CAPRIN2: variants seen among roughly 807,000 people sequenced by gnomAD.
CAPRIN2 encodes caprin-2.
Under a neutral mutation model 130.4 loss-of-function variants are expected in CAPRIN2, and 66 were observed. That is an observed-to-expected ratio of 0.51 (90% CI 0.42 to 0.62). CAPRIN2 has a LOEUF of 0.62. Ranked by LOEUF, CAPRIN2 falls within the 20% of genes least tolerant of loss-of-function variation. The pLI is 0.00. For missense variants in CAPRIN2, 1,185 were observed against 1,246.6 expected (o/e 0.95, Z 0.74); for synonymous variants, 471 against 444.1 (o/e 1.06, Z -0.76).
exon 2 of CAPRIN2, chr12:30,751,128 T>C (rs1298574921): frequency 6.2e-7 from 1 of 1,613,562 alleles, no homozygotes; most frequent in South Asian, 1.1e-5. Flanking sequence ...AATCCTCCAG[T>C]TTGAGCTACA....
In CAPRIN2 at chr12:30,710,890, T is replaced by C. The variant is rs2054176777; in HGVS notation, c.2666-420A>G. On this transcript the variant is annotated intron_variant, in intron 16 of 16. Transcript: ENST00000298892. This position sits in a 1 kb window ranked among gnomAD's most constrained non-coding sequence, Gnocchi z 4.8. ...TAAAAGAACCAATTTTTAGAACTAC[T>C]AGCCACTAGCCATTCAGAGATATAT... Among the ~76,000 whole-genome samples the C allele has an allele frequency of 6.6e-6, 1 of 152,220 alleles. No homozygotes were observed. Among genetic ancestry groups the C allele is most frequent in the African/African-American group, 2.4e-5 (1 of 41,460 alleles).
At chr12:30,750,576 G>C (rs565624168) in intron 2 of CAPRIN2, among the ~76,000 whole-genome samples, 1 of 151,310 alleles carries the variant, frequency 6.6e-6, no homozygotes, top group South Asian at 2.1e-4. Context: ...CAGATAATAT[G>C]CCTCCTGAGA....
exon 1 of CAPRIN2, chr12:30,753,371 G>C: frequency 6.2e-7 from 1 of 1,607,350 alleles, no homozygotes; most frequent in Non-Finnish European, 8.5e-7. Flanking sequence ...TTCTAATTTT[G>C]TGTTTAAGGC....
chr12:30,723,619 G>GT (rs1325989413), intron 10 of CAPRIN2, among the ~76,000 whole-genome samples: 2 of 151,704 alleles, frequency 1.3e-5, no homozygotes, highest in Admixed American at 6.5e-5. Context: ...GACCAGGAAG[G>GT]TAAGACCCAG....
chr12:30,731,564 G>T, intron 5 of CAPRIN2, 54 bp from the exon 7 acceptor site: 1 of 1,426,790 alleles, frequency 7.0e-7, no homozygotes, highest in Non-Finnish European at 9.7e-7. Context: ...GAAAATTACT[G>T]GGAATAGAAA....
At chr12:30,725,277 G>T (rs1011608342) in intron 9 of CAPRIN2, among the ~76,000 whole-genome samples, 1 of 152,110 alleles carries the variant, frequency 6.6e-6, no homozygotes, top group African/African-American at 2.4e-5. Flanking sequence ...ACATTTGCAG[G>T]GAGCATTTTA....
At position 30,732,456 on chromosome 12, in the gene CAPRIN2, C is replaced by T. The variant is rs149870700; in HGVS notation, c.893-946G>A. ...GCAAAATCCTCCTATCTTAACTATA[C>T]AGTTTTAACAGATATTTAGTTGTGT... On this transcript the variant is annotated intron_variant, in intron 5 of 16. Transcript: ENST00000298892. 2.5e-3 allele frequency among the ~76,000 whole-genome samples: 380 copies of T among 151,928 alleles called. 2 individuals carry two copies. Among genetic ancestry groups the T allele is most frequent in the Admixed American group, 5.3e-3 (81 of 15,260 alleles).
At chr12:30,738,326 A>G (rs747558685) in intron 3 of CAPRIN2, among the ~76,000 whole-genome samples, 20 of 152,012 alleles carry the variant, frequency 1.3e-4, no homozygotes, top group African/African-American at 2.7e-4. Flanking sequence ...AACAAAACAG[A>G]TAAGACACTA....
chr12:30,725,024 C>T (rs1411196082), intron 9 of CAPRIN2, among the ~76,000 whole-genome samples: 1 of 152,146 alleles, frequency 6.6e-6, no homozygotes, highest in Non-Finnish European at 1.5e-5. Flanking sequence ...GCCTACAATA[C>T]TAAATCTAAG....
rs774674850 is a variant in CAPRIN2 at position 30,753,532 on chromosome 12, T to C, written c.232A>G (p.Arg78Gly). 1 of 1,614,160 alleles carries C rather than the reference T, an allele frequency of 6.2e-7. No homozygotes were observed. The highest frequency in any genetic ancestry group is 1.1e-5 in the South Asian group (1 of 91,084). The change falls in exon 1 of 17, where the codon AGA (arginine) becomes GGA (glycine). Residue 78 changes from arginine (R) to glycine (G), a missense_variant. Coordinates refer to ENST00000298892, the Ensembl canonical transcript of CAPRIN2. ...TTGGCTGACTTCATATTCCCCTCTC[T>C]TTCCTCCTCTGAATGGCCTGAAGGT...
intron 8 of CAPRIN2, among the ~76,000 whole-genome samples, chr12:30,728,085 A>G (rs1357765687): frequency 6.6e-6 from 1 of 152,182 alleles, no homozygotes; most frequent in African/African-American, 2.4e-5. Flanking sequence ...TACTATTTTC[A>G]TATCATGTTA....
chr12:30,725,952 T>C lies in CAPRIN2; in HGVS notation c.1905+14A>G. The stretch of plus-strand genomic sequence containing the variant: ...CCCATGAATATCATTTAAGATTTTG[T>C]AAATGACTCATACTTGCATAAAGTT... On this transcript the variant is annotated intron_variant, in intron 9 of 16. Transcript: ENST00000298892. 6.5e-7 allele frequency: 1 copy of C among 1,547,338 alleles called. No homozygotes were observed. The highest frequency in any genetic ancestry group is 8.7e-7 in the Non-Finnish European group (1 of 1,147,476).
At chr12:30,717,671 C>T (rs1378108458) in intron 12 of CAPRIN2, among the ~76,000 whole-genome samples, 1 of 151,870 alleles carries the variant, frequency 6.6e-6, no homozygotes, top group East Asian at 1.9e-4. Flanking sequence ...AATCTTCCTG[C>T]TATTATGCTA....
intron 15 of CAPRIN2, 70 bp downstream of exon 17, chr12:30,713,715 T>G (rs1348629636): frequency 1.2e-6 from 1 of 867,594 alleles, no homozygotes; most frequent in East Asian, 2.5e-5. Flanking sequence ...GACTCTGCGA[T>G]ATACTTCAAT....
intron 14 of CAPRIN2, among the ~76,000 whole-genome samples, chr12:30,714,444 AAGT>A (rs1565545831): frequency 1.3e-4 from 20 of 152,326 alleles, no homozygotes; most frequent in African/African-American, 4.8e-4. Flanking sequence ...TGGCATCCCA[AAGT>A]AATGGGATGA....
chr12:30,748,291 T>C (rs2071753731), intron 2 of CAPRIN2, among the ~76,000 whole-genome samples: 1 of 152,190 alleles, frequency 6.6e-6, no homozygotes, highest in South Asian at 2.1e-4. Flanking sequence ...TTCACTGTTG[T>C]CTTAAGAAAC....
chr12:30,735,180 C>A lies in CAPRIN2; in HGVS notation c.597G>T (p.Gln199His), dbSNP rs1461960197. The change falls in exon 4 of 17, where the codon CAG becomes CAT. Residue 199 changes from glutamine to histidine, a missense_variant. Around this residue, in one of 2 missense-constraint regions of CAPRIN2, gnomAD observed 1,104 missense variants for 1,104.3 expected, o/e 1.00. Transcript: ENST00000298892. ...CAAGTTTTAGCATGTGCTCCCTTCT[C>A]TGGGCCTTCTTTTGCGCTTTTAGTA... The A allele has an allele frequency of 4.3e-6, 7 of 1,614,032 alleles. No homozygotes were observed. The Admixed American group carries it at 5.0e-5, about 12-fold the overall frequency.
At chr12:30,753,250 T>C in intron 1 of CAPRIN2, 94 bp downstream of exon 2, 3 of 1,043,788 alleles carry the variant, frequency 2.9e-6, no homozygotes, top group Non-Finnish European at 4.2e-6. Flanking sequence ...TAGTTAAATT[T>C]TTAGTAGAGA....
In CAPRIN2 at chr12:30,733,730, A is replaced by T; in HGVS notation, c.810-19T>A. ...TTCAACACTGACAAGGAAAAGCAGC[A>T]GCAGAACAAAGTGGCTTTAGAAGTA... On this transcript the variant is annotated intron_variant, in intron 4 of 16. Coordinates refer to ENST00000298892, the Ensembl canonical transcript of CAPRIN2. 2 of 1,581,740 alleles carry T rather than the reference A, an allele frequency of 1.3e-6. No homozygotes were observed. The highest frequency in any genetic ancestry group is 1.7e-6 in the Non-Finnish European group (2 of 1,150,544).
Sources: gnomAD v4.1 joint callset for allele counts (sites outside exome capture counted in the v4.1 genomes callset) on GRCh38, gnomAD v4.1.1 for gene constraint, gnomAD v4.1.1 regional missense constraint, Gnocchi (gnomAD v3.1) non-coding constraint, MANE v1.5 for transcripts, NCBI Gene and HGNC (gene_info 2026-07-23, HGNC 2026-07-21) for gene names.